GRM8: variants seen among roughly 807,000 people sequenced by gnomAD.
GRM8 encodes the protein metabotropic glutamate receptor 8.
Under a neutral mutation model 87.2 loss-of-function variants are expected in GRM8, and 47 were observed. The ratio of observed to expected loss-of-function variants is 0.54; its 90% CI spans 0.43 to 0.69. The LOEUF is 0.69. GRM8 is among the 30% of genes least tolerant of loss of function. The pLI, the probability that GRM8 is intolerant of heterozygous loss-of-function variation, is 0.00. For missense variants in GRM8, 1,019 were observed against 1,139.2 expected (o/e 0.89, Z 1.52); for synonymous variants, 396 against 404.5 (o/e 0.98, Z 0.25).
intron 7 of GRM8, among the ~76,000 whole-genome samples, chr7:126,691,538 G>A (rs552584209): frequency 6.6e-6 from 1 of 152,270 alleles, no homozygotes; most frequent in South Asian, 2.1e-4. Context: ...AGAGGGCTCA[G>A]CCCTGGCCAC....
Position 126,533,205 on chromosome 7 carries a change from C to T in GRM8, c.2177G>A (p.Gly726Glu), listed in dbSNP as rs886406421. Reference protein sequence around the residue: ...VDPPHIIIDYGEQRTLDPEKA... With the variant: ...VDPPHIIIDYEEQRTLDPEKA... Reference sequence around the variant, plus strand: ...CTCTGGATCTAGTGTCCGCTGCTCTCCATAGTCAATGATGATGTGGGGGGG... The same window carrying T: ...CTCTGGATCTAGTGTCCGCTGCTCTTCATAGTCAATGATGATGTGGGGGGG... The change falls in exon 9 of 11, where the codon GGA (glycine) becomes GAA (glutamate). Residue 726 changes from glycine (G) to glutamate (E), a missense_variant. Physicochemically the swap from Gly to Glu is moderately conservative, Grantham distance 98 (BLOSUM62 -2). Coordinates refer to ENST00000339582, the MANE Select transcript of GRM8 (RefSeq NM_000845.3). 6.2e-7 allele frequency: 1 copy of T among 1,612,814 alleles called. No individual in the cohort carries two copies. Among genetic ancestry groups the T allele is most frequent in the Non-Finnish European group, 8.5e-7 (1 of 1,179,698 alleles).
chr7:127,218,685 G>T (rs757047292), intron 2 of GRM8, among the ~76,000 whole-genome samples: 1 of 152,148 alleles, frequency 6.6e-6, no homozygotes, highest in South Asian at 2.1e-4. Context: ...TCTCTGTCAA[G>T]CATGAGTAGA....
intron 6 of GRM8, among the ~76,000 whole-genome samples, chr7:126,866,316 C>T (rs1798583980): frequency 6.6e-6 from 1 of 151,566 alleles, no homozygotes; most frequent in African/African-American, 2.4e-5. Context: ...TTAGCTACAA[C>T]TGCCTTATCA....
At chr7:127,010,068 C>T (rs1814727690) in intron 3 of GRM8, among the ~76,000 whole-genome samples, 1 of 151,964 alleles carries the variant, frequency 6.6e-6, no homozygotes. Context: ...GTCTCGAACT[C>T]CTGACCTGAA....
intron 2 of GRM8, among the ~76,000 whole-genome samples, chr7:127,144,965 T>C (rs1828472358): frequency 6.6e-6 from 1 of 152,138 alleles, no homozygotes; most frequent in South Asian, 2.1e-4. Context: ...GTTTCTTTAA[T>C]ATATGCATCT....
chr7:126,795,684 C>T (rs1013476920), intron 6 of GRM8, among the ~76,000 whole-genome samples: 1 of 151,958 alleles, frequency 6.6e-6, no homozygotes, highest in Non-Finnish European at 1.5e-5. Flanking sequence ...TTCCTCCTTG[C>T]GAAAAAGTTA....
intron 3 of GRM8, among the ~76,000 whole-genome samples, chr7:127,025,948 C>G (rs966920554): frequency 4.6e-5 from 7 of 151,980 alleles, no homozygotes; most frequent in African/African-American, 7.2e-5. Context: ...GTTTGCTGCA[C>G]CCATCAACTC....
chr7:126,767,293 T>C (rs1818292626), intron 7 of GRM8, among the ~76,000 whole-genome samples: 2 of 152,110 alleles, frequency 1.3e-5, no homozygotes, highest in African/African-American at 4.8e-5. Flanking sequence ...TAATGAAATA[T>C]ACTATACTTT....
chr7:127,139,857 T>C (rs765253029), intron 2 of GRM8, among the ~76,000 whole-genome samples: 12 of 152,080 alleles, frequency 7.9e-5, no homozygotes, highest in Non-Finnish European at 1.5e-4. Context: ...CTAGTAAACA[T>C]AGTAAACATT....
At chr7:127,024,839 A>C (rs1247971694) in intron 3 of GRM8, among the ~76,000 whole-genome samples, 1 of 151,982 alleles carries the variant, frequency 6.6e-6, no homozygotes, top group Non-Finnish European at 1.5e-5. Context: ...TCCTCAGGGC[A>C]ACCCCACCAC....
At chr7:127,076,218 C>T (rs1451975739) in intron 3 of GRM8, 1 of 456,258 alleles carries the variant, frequency 2.2e-6, no homozygotes, top group Non-Finnish European at 4.4e-6. Context: ...GCCCTGAATC[C>T]CAAACAGGGA....
At chr7:126,522,255 C>T (rs1335510299) in intron 9 of GRM8, among the ~76,000 whole-genome samples, 1 of 152,192 alleles carries the variant, frequency 6.6e-6, no homozygotes, top group Admixed American at 6.5e-5. Context: ...TCCACCGCCA[C>T]ATGTCAAACC....
intron 9 of GRM8, among the ~76,000 whole-genome samples, chr7:126,495,192 G>T (rs1014469764): frequency 2.0e-5 from 3 of 151,972 alleles, no homozygotes; most frequent in Non-Finnish European, 4.4e-5. Flanking sequence ...CATGAAGTTA[G>T]GCATCTGAAA....
intron 2 of GRM8, among the ~76,000 whole-genome samples, chr7:127,115,660 T>C (rs1042989431): frequency 1.3e-5 from 2 of 152,230 alleles, no homozygotes; most frequent in African/African-American, 4.8e-5. Context: ...TAAACCTTTT[T>C]TTTTTACATC....
At chr7:127,172,831 G>A (rs574395672) in intron 2 of GRM8, among the ~76,000 whole-genome samples, 37 of 152,126 alleles carry the variant, frequency 2.4e-4, no homozygotes, top group Admixed American at 5.9e-4. Flanking sequence ...GGATTAAAAC[G>A]TTATGTGCTC....
At chr7:126,730,316 T>C (rs576047817) in intron 7 of GRM8, among the ~76,000 whole-genome samples, 1 of 152,188 alleles carries the variant, frequency 6.6e-6, no homozygotes, top group Non-Finnish European at 1.5e-5. Context: ...TGTATTTGTA[T>C]GGATAGGAAA....
chr7:127,002,046 G>C (rs1215808280), intron 3 of GRM8, among the ~76,000 whole-genome samples: 1 of 151,616 alleles, frequency 6.6e-6, no homozygotes, highest in Non-Finnish European at 1.5e-5. Context: ...TGGTAGGAGA[G>C]AGGTGTGACT....
intron 7 of GRM8, among the ~76,000 whole-genome samples, chr7:126,764,457 T>C (rs1455495985): frequency 6.6e-6 from 1 of 152,114 alleles, no homozygotes; most frequent in Non-Finnish European, 1.5e-5. Flanking sequence ...TTTCTAATGT[T>C]AAACTATAAT....
At chr7:127,193,396 T>G (rs965701877) in intron 2 of GRM8, among the ~76,000 whole-genome samples, 3 of 152,208 alleles carry the variant, frequency 2.0e-5, no homozygotes, top group African/African-American at 7.2e-5. Flanking sequence ...TGGTGAAGCT[T>G]GAAATTTTCA....
Sources: gnomAD v4.1 joint callset for allele counts (sites outside exome capture counted in the v4.1 genomes callset) on GRCh38, gnomAD v4.1.1 for gene constraint, MANE v1.5 for transcripts, NCBI Gene and HGNC (gene_info 2026-07-23, HGNC 2026-07-21) for gene names.